SLC30A8: variants seen among roughly 807,000 people sequenced by gnomAD.
SLC30A8 encodes the protein proton-coupled zinc antiporter SLC30A8.
A neutral mutation model predicts 36.9 loss-of-function variants in SLC30A8; 27 were observed. That is an observed-to-expected ratio of 0.73 (90% confidence interval 0.54 to 1.01). The LOEUF (loss-of-function observed/expected upper bound fraction) is 1.01, where lower values mean the gene tolerates loss of function less well. Among genes scored for constraint, SLC30A8 ranks in the 50% least tolerant of loss-of-function variants. The pLI, the probability that SLC30A8 is intolerant of heterozygous loss-of-function variation, is 0.00. For missense variants in SLC30A8, 439 were observed against 452.0 expected (o/e 0.97, Z 0.26); for synonymous variants, 164 against 172.4 (o/e 0.95, Z 0.38).
chr8:117,152,621 A>G (rs985580114), intron 2 of SLC30A8, among the ~76,000 whole-genome samples: 4 of 152,188 alleles, frequency 2.6e-5, no homozygotes, highest in African/African-American at 9.7e-5. Flanking sequence ...GCACTGCTTC[A>G]GCCTGATTCT....
At chr8:117,063,453 A>G (rs1818079304) in intron 2 of SLC30A8, among the ~76,000 whole-genome samples, 1 of 152,182 alleles carries the variant, frequency 6.6e-6, no homozygotes, top group Non-Finnish European at 1.5e-5. Flanking sequence ...CAAAATATAA[A>G]TCAGGCCATT....
intron 1 of SLC30A8, among the ~76,000 whole-genome samples, chr8:117,019,315 A>G (rs779566884): frequency 4.6e-5 from 7 of 152,228 alleles, no homozygotes; most frequent in Non-Finnish European, 8.8e-5. Context: ...TTACTTTTAG[A>G]GCAACAGATG....
intron 2 of SLC30A8, among the ~76,000 whole-genome samples, chr8:117,077,481 G>A (rs1818527018): frequency 6.6e-6 from 1 of 152,096 alleles, no homozygotes; most frequent in Middle Eastern, 3.2e-3. Flanking sequence ...TTTAATCTAA[G>A]GCCTATGATC....
intron 2 of SLC30A8, among the ~76,000 whole-genome samples, chr8:117,053,109 T>C (rs1468560476): frequency 6.6e-6 from 1 of 152,028 alleles, no homozygotes; most frequent in Non-Finnish European, 1.5e-5. Context: ...GAGATGAGGT[T>C]TCATTGTGTT....
chr8:117,053,636 T>C (rs1817779766), intron 2 of SLC30A8, among the ~76,000 whole-genome samples: 1 of 152,218 alleles, frequency 6.6e-6, no homozygotes, highest in Non-Finnish European at 1.5e-5. Flanking sequence ...CAAATCATGG[T>C]AGAACTGAGA....
At chr8:117,139,859 TAA>T (rs61537395) in intron 1 of SLC30A8, among the ~76,000 whole-genome samples, 47 of 109,672 alleles carry the variant, frequency 4.3e-4, no homozygotes, top group African/African-American at 5.9e-4. Flanking sequence ...CAACATCTGG[TAA>T]AAAAAAAAAA....
chr8:116,996,256 A>T (rs1815811618), intron 1 of SLC30A8, among the ~76,000 whole-genome samples: 1 of 152,204 alleles, frequency 6.6e-6, no homozygotes, highest in Admixed American at 6.5e-5. Context: ...TTCTTATAGG[A>T]GGAAACTGAG....
At chr8:117,163,557 A>T in intron 6 of SLC30A8, 27 bp downstream of exon 6, 2 of 1,528,122 alleles carry the variant, frequency 1.3e-6, no homozygotes, top group Non-Finnish European at 1.8e-6. Context: ...TATTACTCCC[A>T]GAGTCAGTGT....
chr8:117,174,698 G>A lies in SLC30A8; in HGVS notation c.*2017G>A, dbSNP rs1823581194. 1 of 152,498 alleles carries A rather than the reference G, an allele frequency of 6.6e-6. No homozygotes were observed. The highest frequency in any genetic ancestry group is 1.5e-5 in the Non-Finnish European group (1 of 67,996). The allele number at this position is 152,498 out of a possible 1,614,324, so 9.4% of individuals were successfully genotyped here. A position where few individuals can be genotyped will look rare whatever the true frequency, so the allele number is the denominator to read the frequency against. Reference sequence around the variant, plus strand: ...GCTTCTGCTTCTTTTTGAAAATCATGTTTAGATTTGATTTTAAGTCAGAAA... The same window carrying A: ...GCTTCTGCTTCTTTTTGAAAATCATATTTAGATTTGATTTTAAGTCAGAAA... On this transcript the variant is annotated 3_prime_UTR_variant, in exon 8 of 8. Coordinates refer to ENST00000456015, the MANE Select transcript of SLC30A8 (RefSeq NM_173851.3).
upstream of SLC30A8, among the ~76,000 whole-genome samples, chr8:117,131,085 A>AATAGT (rs1821120800): frequency 6.6e-6 from 1 of 152,024 alleles, no homozygotes; most frequent in Non-Finnish European, 1.5e-5. Flanking sequence ...GAAAAATAGA[A>AATAGT]ATAGTAAAAA....
intron 2 of SLC30A8, among the ~76,000 whole-genome samples, chr8:117,044,158 C>A (rs963135927): frequency 1.3e-5 from 2 of 152,128 alleles, no homozygotes; most frequent in African/African-American, 4.8e-5. Flanking sequence ...AGTGGTCTTA[C>A]CCAAGTGAAG....
intron 2 of SLC30A8, among the ~76,000 whole-genome samples, chr8:117,047,832 GC>G (rs1386760730): frequency 3.3e-5 from 5 of 152,166 alleles, no homozygotes; most frequent in Non-Finnish European, 7.4e-5. Context: ...AAAACAGCTT[GC>G]AGTAAAGAAG....
chr8:116,968,116 G>A (rs934301840), intron 1 of SLC30A8, among the ~76,000 whole-genome samples: 8 of 152,086 alleles, frequency 5.3e-5, no homozygotes, highest in Admixed American at 3.9e-4. Flanking sequence ...TTGTGGATTA[G>A]GAAGAACAAA....
intron 2 of SLC30A8, among the ~76,000 whole-genome samples, chr8:117,118,193 AC>A (rs1820537324): frequency 6.7e-6 from 1 of 149,752 alleles, no homozygotes; most frequent in African/African-American, 2.5e-5. Flanking sequence ...AAAAAAAAAA[AC>A]CAAAAAACAA....
chr8:116,950,400 T>G (rs946635297), upstream of SLC30A8: 12 of 152,268 alleles, frequency 7.9e-5, no homozygotes, highest in African/African-American at 2.7e-4. Context: ...ATGTTCTAAT[T>G]ATTGAAAACA....
chr8:117,153,723 G>GGTGTGTGTGTGTGT lies in SLC30A8; in HGVS notation c.418+652_418+665dup, dbSNP rs59464276. On this transcript the variant is annotated intron_variant, in intron 3 of 7. Transcript: ENST00000456015. The stretch of plus-strand genomic sequence containing the variant: ...GGCAGTAGCCAAGGTCATGATAAGG[G>GGTGTGTGTGTGTGT]GTGTGTGTGTGTGTGTGTGTGTGTG... Among the ~76,000 whole-genome samples the GGTGTGTGTGTGTGT allele has an allele frequency of 2.0e-4, 30 of 147,002 alleles. No homozygotes were observed. In the East Asian group the frequency reaches 2.4e-3, roughly 12 times the overall value.
intron 1 of SLC30A8, among the ~76,000 whole-genome samples, chr8:116,999,305 C>G (rs1815926904): frequency 6.7e-6 from 1 of 149,136 alleles, no homozygotes; most frequent in African/African-American, 2.4e-5. Flanking sequence ...CTCACACCTC[C>G]TTTAGAAGAC....
intron 1 of SLC30A8, among the ~76,000 whole-genome samples, chr8:117,033,335 GCATATGC>G (rs1169648412): frequency 6.6e-6 from 1 of 152,222 alleles, no homozygotes; most frequent in Non-Finnish European, 1.5e-5. Context: ...TTGAGTGCTG[GCATATGC>G]CACAACATGG....
intron 1 of SLC30A8, among the ~76,000 whole-genome samples, chr8:117,035,092 CT>C (rs1231422666): frequency 6.6e-6 from 1 of 152,196 alleles, no homozygotes. Context: ...CATTCCACCC[CT>C]GGCCCCTCCC....
Sources: allele counts gnomAD v4.1 joint callset (sites outside exome capture counted in the v4.1 genomes callset), GRCh38; gene constraint gnomAD v4.1.1; transcripts MANE v1.5; gene names NCBI Gene and HGNC (gene_info 2026-07-23, HGNC 2026-07-21).